Variants in ATRN observed in about 807,000 individuals in gnomAD.
The protein encoded by ATRN is attractin.
ATRN carries 54 observed loss-of-function variants against 178.7 expected under a neutral mutation model. The ratio of observed to expected loss-of-function variants is 0.30; its 90% CI spans 0.24 to 0.38. ATRN has a LOEUF of 0.38. ATRN is among the 10% of genes least tolerant of loss of function. The pLI is 1.00. For synonymous variants in ATRN, 636 were observed against 663.0 expected, an observed-to-expected ratio of 0.96 and a Z score of 0.63; for missense variants, 1,443 against 1,815.1, an observed-to-expected ratio of 0.79 and a Z score of 3.73.
intron 1 of ATRN, among the ~76,000 whole-genome samples, chr20:3,520,742 C>G (rs997501470): frequency 2.6e-5 from 4 of 152,170 alleles, no homozygotes; most frequent in African/African-American, 9.7e-5. Context: ...AGTGATCTGC[C>G]TGCCTCAGCC....
At chr20:3,494,898 A>C (rs1382390377) in intron 1 of ATRN, among the ~76,000 whole-genome samples, 1 of 152,152 alleles carries the variant, frequency 6.6e-6, no homozygotes, top group East Asian at 1.9e-4. Flanking sequence ...CATTGCTTTT[A>C]TTGAGTCTTT....
At chr20:3,559,328 A>T in intron 6 of ATRN, 65 bp from the exon 7 acceptor site, 1 of 1,270,154 alleles carries the variant, frequency 7.9e-7, no homozygotes, top group Non-Finnish European at 1.2e-6. Flanking sequence ...TTATGTCACA[A>T]ATAAAATAGT....
intron 15 of ATRN, among the ~76,000 whole-genome samples, chr20:3,581,667 T>C (rs1488805647): frequency 6.6e-6 from 1 of 152,224 alleles, no homozygotes; most frequent in Non-Finnish European, 1.5e-5. Flanking sequence ...TGGAGTGTTT[T>C]GGATTTCAGA....
rs1395304437 is a variant in ATRN, at chr20:3,560,768, A to G, written c.1310A>G (p.Lys437Arg). The change falls in exon 8 of 29, where the codon AAG (lysine) becomes AGG (arginine). Residue 437 changes from lysine to arginine, a missense_variant. Physicochemically the swap from Lys to Arg is conservative, Grantham distance 26. Transcript: ENST00000262919. ...HNESWVLLTP[K>R]AKEQYAVVGH... is the part of the protein sequence containing the mutation. Reference sequence around the variant, plus strand: ...GAGTCATGGGTGTTGTTGACCCCTAAGGCAAAGGAGCAGTATGCAGTGGTT... The same window carrying G: ...GAGTCATGGGTGTTGTTGACCCCTAGGGCAAAGGAGCAGTATGCAGTGGTT... 4 of 1,614,152 alleles carry G rather than the reference A, an allele frequency of 2.5e-6. No individual in the cohort carries two copies. Among genetic ancestry groups the G allele is most frequent in the Non-Finnish European group, 3.4e-6 (4 of 1,180,038 alleles).
chr20:3,532,377 G>A (rs1329569268), intron 1 of ATRN, among the ~76,000 whole-genome samples: 1 of 152,174 alleles, frequency 6.6e-6, no homozygotes, highest in African/African-American at 2.4e-5. Flanking sequence ...GGTGGTTTTT[G>A]TGGGTGGTTG....
At chr20:3,473,355 G>C (rs538688092) in intron 1 of ATRN, among the ~76,000 whole-genome samples, 1 of 152,172 alleles carries the variant, frequency 6.6e-6, no homozygotes, top group Non-Finnish European at 1.5e-5. Flanking sequence ...ACCTGCGTGA[G>C]GGGTGGGGTG....
intron 2 of ATRN, among the ~76,000 whole-genome samples, chr20:3,538,728 A>T (rs79234455): frequency 0.053 from 8,104 of 152,144 alleles, 298 homozygotes; most frequent in Middle Eastern, 0.092. Flanking sequence ...CTCCATCTCT[A>T]CAGCTGGGAG....
intron 1 of ATRN, among the ~76,000 whole-genome samples, chr20:3,519,006 T>TATATAAAAAAAAAAA (rs770584938): frequency 5.0e-5 from 6 of 119,492 alleles, no homozygotes; most frequent in Admixed American, 8.8e-5. Context: ...TCCTTATATA[T>TATATAAAAAAAAAAA]AAAAAAAAAA....
In ATRN at chr20:3,579,995, C is replaced by CA. The variant is rs573787855; in HGVS notation, c.2544+1226dup. 4.2e-3 allele frequency among the ~76,000 whole-genome samples: 642 copies of CA among 152,240 alleles called. 3 individuals carry two copies. Among genetic ancestry groups the CA allele is most frequent in the Middle Eastern group, 6.8e-3 (2 of 292 alleles). Reference sequence around the variant, plus strand: ...GCAACTTAGATGGGGTATGGACACTCAAACATTGGTGACATATTCTTAGTG... The same window carrying CA: ...GCAACTTAGATGGGGTATGGACACTCAAAACATTGGTGACATATTCTTAGTG... On this transcript the variant is annotated intron_variant, in intron 15 of 28. Transcript: ENST00000262919.
In ATRN at chr20:3,576,948, C is replaced by T; in HGVS notation, c.2304C>T (p.Asp768=). The T allele has an allele frequency of 3.1e-6, 5 of 1,614,108 alleles. No individual in the cohort carries two copies. The highest frequency in any genetic ancestry group is 3.4e-6 in the Non-Finnish European group (4 of 1,180,012). ...KKTSCRSCAL[D]QNCQWEPRNQ... ...CCAGCTGCAGGAGCTGTGCCCTGGA[C>T]CAGAACTGCCAGTGGGAGCCCCGGA... is the stretch of plus-strand genomic sequence containing the variant. The change falls in exon 14 of 29, where the codon GAC becomes GAT. Residue 768 remains aspartate (D), a synonymous_variant. Coordinates refer to ENST00000262919, the MANE Select transcript of ATRN (RefSeq NM_139321.3).
chr20:3,503,158 G>A lies in ATRN; in HGVS notation c.410+31641G>A, dbSNP rs539221404. Among the ~76,000 whole-genome samples, 197 of 152,210 alleles carry A rather than the reference G, an allele frequency of 1.3e-3. 1 individual carries two copies. Among genetic ancestry groups the A allele is most frequent in the Non-Finnish European group, 2.2e-3 (151 of 68,008 alleles). On this transcript the variant is annotated intron_variant, in intron 1 of 28. Transcript: ENST00000262919. ...TAAACAAAGCAGGCTAAATAACACT[G>A]CAAAGGCTCTGTAAATTAGTCTGCT...
At chr20:3,552,082 G>A (rs2085795397) in intron 6 of ATRN, among the ~76,000 whole-genome samples, 1 of 151,904 alleles carries the variant, frequency 6.6e-6, no homozygotes, top group Non-Finnish European at 1.5e-5. Flanking sequence ...ACTTTCTTTA[G>A]TTGGCTTCTA....
intron 24 of ATRN, among the ~76,000 whole-genome samples, chr20:3,613,925 G>C (rs235516): frequency 0.86 from 130,316 of 151,462 alleles, 56,509 homozygotes; most frequent in East Asian, 1. Context: ...TAATTCTCTA[G>C]TTGGAAATTT....
intron 1 of ATRN, among the ~76,000 whole-genome samples, chr20:3,493,625 C>T (rs2084838066): frequency 6.6e-6 from 1 of 152,192 alleles, no homozygotes; most frequent in Non-Finnish European, 1.5e-5. Flanking sequence ...CATGAACAAC[C>T]TGTATATGGC....
At position 3,632,645 on chromosome 20, in the gene ATRN, C is replaced by G. The variant is rs1005006846; in HGVS notation, c.3864-1666C>G. 5.3e-5 allele frequency among the ~76,000 whole-genome samples: 8 copies of G among 152,228 alleles called. No homozygotes were observed. ...CTGACCATCCTGCTGTGGAGTGCCA[C>G]TGGTACTCCTGAACCCCTTGCTCTT... On this transcript the variant is annotated intron_variant, in intron 25 of 28. Coordinates refer to ENST00000262919, the MANE Select transcript of ATRN (RefSeq NM_139321.3). This position sits in a 1 kb window ranked among gnomAD's most constrained non-coding sequence, Gnocchi z 4.2.
intron 22 of ATRN, among the ~76,000 whole-genome samples, chr20:3,599,086 G>C (rs2086570907): frequency 6.6e-6 from 1 of 151,918 alleles, no homozygotes; most frequent in African/African-American, 2.4e-5. Flanking sequence ...TACTAGAAAA[G>C]ATACATTCTC....
Position 3,638,771 on chromosome 20 carries a change from C to A in ATRN, c.3943-57C>A. ...AGGTGTTTTTAACATGTAGCATTAA[C>A]TAATAAAACCCCTTCAGTACTCATT... On this transcript the variant is annotated intron_variant, in intron 26 of 28. Transcript: ENST00000262919. The surrounding 1 kb of genome is among the most constrained non-coding windows in gnomAD (Gnocchi z 4.5). 6.8e-7 allele frequency: 1 copy of A among 1,462,506 alleles called. No individual in the cohort carries two copies. Among genetic ancestry groups the A allele is most frequent in the Non-Finnish European group, 9.5e-7 (1 of 1,048,708 alleles). 90.6% of individuals were successfully genotyped at this position (1,462,506 alleles called of 1,614,324 possible).
chr20:3,624,907 C>T (rs1026109021), intron 25 of ATRN, among the ~76,000 whole-genome samples: 1 of 152,150 alleles, frequency 6.6e-6, no homozygotes. Context: ...ATAATGGTTA[C>T]TGATGTGAGC....
chr20:3,531,537 G>A (rs2085453140), intron 1 of ATRN, among the ~76,000 whole-genome samples: 1 of 152,086 alleles, frequency 6.6e-6, no homozygotes, highest in Non-Finnish European at 1.5e-5. Flanking sequence ...CTCCATAGGT[G>A]GGATACTATG....
Sources: gnomAD v4.1 joint callset for allele counts (sites outside exome capture counted in the v4.1 genomes callset) on GRCh38, gnomAD v4.1.1 for gene constraint, Gnocchi (gnomAD v3.1) non-coding constraint, MANE v1.5 for transcripts, NCBI Gene and HGNC (gene_info 2026-07-23, HGNC 2026-07-21) for gene names.